The following SORCS2 variants were observed in gnomAD, a reference collection of about 807,000 sequenced individuals.
SORCS2 encodes sortilin related VPS10 domain containing receptor 2.
Under a neutral mutation model 141.6 loss-of-function variants are expected in SORCS2, and 100 were observed. The observed-to-expected ratio is 0.71, with a 90% confidence interval of 0.60 to 0.83. The LOEUF is 0.83. SORCS2 is among the 40% of genes least tolerant of loss of function. SORCS2 has a pLI of 0.00. For missense variants in SORCS2, 1,646 were observed against 1,560.2 expected (o/e 1.05, Z -0.93); for synonymous variants, 789 against 676.9 (o/e 1.17, Z -2.57).
At chr4:7,553,730 C>T (rs77585858) in intron 3 of SORCS2, among the ~76,000 whole-genome samples, 4,322 of 152,278 alleles carry the variant, frequency 0.028, 82 homozygotes, top group Middle Eastern at 0.051. Context: ...GCACACATAT[C>T]AAAAACATGT....
In SORCS2 at chr4:7,664,203, C is replaced by A; in HGVS notation, c.953-150C>A. ...AGTGAGCGAGGATGACACCCTCAGC[C>A]GCAGGTGTCATCACGGTGGCCTTTA... On this transcript the variant is annotated intron_variant, in intron 6 of 26. Coordinates refer to ENST00000507866, the MANE Select transcript of SORCS2 (RefSeq NM_020777.3). This position sits in a 1 kb window ranked among gnomAD's most constrained non-coding sequence, Gnocchi z 4.7. 1 of 607,970 alleles carries A rather than the reference C, an allele frequency of 1.6e-6. No individual in the cohort carries two copies. The highest frequency in any genetic ancestry group is 2.9e-6 in the Non-Finnish European group (1 of 348,480). 37.7% of individuals were successfully genotyped at this position (607,970 alleles called of 1,614,324 possible).
chr4:7,353,492 T>C (rs1025766067), intron 1 of SORCS2, among the ~76,000 whole-genome samples: 1 of 152,174 alleles, frequency 6.6e-6, no homozygotes, highest in Non-Finnish European at 1.5e-5. Context: ...GTGGTGGGGC[T>C]CTGTGATGAC....
chr4:7,334,619 A>G (rs1719874688), intron 1 of SORCS2, among the ~76,000 whole-genome samples: 1 of 152,192 alleles, frequency 6.6e-6, no homozygotes, highest in Non-Finnish European at 1.5e-5. Flanking sequence ...TCCTGCAGCA[A>G]CAGGGATTCA....
At chr4:7,602,237 G>A (rs1717747212) in intron 3 of SORCS2, among the ~76,000 whole-genome samples, 2 of 148,928 alleles carry the variant, frequency 1.3e-5, no homozygotes, top group Non-Finnish European at 1.5e-5. Context: ...CCTCCCAGAC[G>A]GGGTGGCCAG....
chr4:7,546,257 G>T (rs1051235040), intron 3 of SORCS2, among the ~76,000 whole-genome samples: 1 of 152,138 alleles, frequency 6.6e-6, no homozygotes, highest in Non-Finnish European at 1.5e-5. Context: ...GACCAAGCCT[G>T]GGTCACCCAG....
At chr4:7,260,645 C>T (rs1036129317) in intron 1 of SORCS2, among the ~76,000 whole-genome samples, 1 of 152,144 alleles carries the variant, frequency 6.6e-6, no homozygotes, top group South Asian at 2.1e-4. Context: ...AAGCTCTCTG[C>T]CTCTTAAGAG....
At chr4:7,714,511 T>C in intron 16 of SORCS2, 138 bp downstream of exon 16, 1 of 932,102 alleles carries the variant, frequency 1.1e-6, no homozygotes, top group Non-Finnish European at 1.6e-6. Flanking sequence ...CACTGCCACT[T>C]CTGCCTCATT....
chr4:7,588,982 G>A (rs887015504), intron 3 of SORCS2, among the ~76,000 whole-genome samples: 1 of 152,204 alleles, frequency 6.6e-6, no homozygotes, highest in African/African-American at 2.4e-5. Context: ...AATGGATATG[G>A]GCTGCGGGCC....
intron 2 of SORCS2, among the ~76,000 whole-genome samples, chr4:7,421,647 C>A (rs567759285): frequency 3.8e-4 from 58 of 152,318 alleles, no homozygotes; most frequent in African/African-American, 1.3e-3. Flanking sequence ...TAAGCCACAG[C>A]CTGGCCTCCC....
intron 2 of SORCS2, among the ~76,000 whole-genome samples, chr4:7,423,458 C>A (rs559544629): frequency 2.0e-5 from 3 of 152,174 alleles, no homozygotes; most frequent in South Asian, 2.1e-4. Context: ...ACTCTGTCAC[C>A]CAGGCTGGAG....
At chr4:7,528,326 G>A (rs1456018952) in intron 2 of SORCS2, among the ~76,000 whole-genome samples, 3 of 152,212 alleles carry the variant, frequency 2.0e-5, no homozygotes, top group Non-Finnish European at 4.4e-5. Flanking sequence ...TTGGACTTGG[G>A]AGTCGTGGAT....
rs951566369 is a variant in SORCS2, at chr4:7,740,528, C to T, written c.*264C>T. On this transcript the variant is annotated 3_prime_UTR_variant, in exon 27 of 27. Coordinates refer to ENST00000507866, the MANE Select transcript of SORCS2 (RefSeq NM_020777.3). ...CTCAGGCAGGTTCTGCCCCCCAGAC[C>T]CCACACACGGCCGCCCCACGTGCTG... 1.9e-6 allele frequency: 1 copy of T among 531,318 alleles called. No individual in the cohort carries two copies. Among genetic ancestry groups the T allele is most frequent in the Non-Finnish European group, 3.4e-6 (1 of 292,522 alleles). 32.9% of individuals were successfully genotyped at this position (531,318 alleles called of 1,614,324 possible).
At chr4:7,659,637 G>A (rs1722025173) in intron 5 of SORCS2, among the ~76,000 whole-genome samples, 1 of 152,238 alleles carries the variant, frequency 6.6e-6, no homozygotes, top group African/African-American at 2.4e-5. Context: ...CAGAATTGGT[G>A]CCAGAGTACT....
Position 7,193,625 on chromosome 4 carries a change from G to C in SORCS2, c.480+499G>C, listed in dbSNP as rs567141487. Among the ~76,000 whole-genome samples the C allele has an allele frequency of 1.3e-5, 2 of 152,322 alleles. No individual in the cohort carries two copies. Among genetic ancestry groups the C allele is most frequent in the African/African-American group, 4.8e-5 (2 of 41,588 alleles). ...GACTTCCCCGGTCAGCTCGAATCCT[G>C]TTCTGGGACTCTGGGATTTCTGGGT... On this transcript the variant is annotated intron_variant, in intron 1 of 26. Coordinates refer to ENST00000507866, the MANE Select transcript of SORCS2 (RefSeq NM_020777.3). This position sits in a 1 kb window ranked among gnomAD's most constrained non-coding sequence, Gnocchi z 4.8.
At chr4:7,626,128 C>G (rs975728559) in intron 3 of SORCS2, among the ~76,000 whole-genome samples, 11 of 151,982 alleles carry the variant, frequency 7.2e-5, no homozygotes, top group Non-Finnish European at 1.5e-4. Context: ...GCCTGGGTGA[C>G]AGGGCAAGAC....
chr4:7,441,481 AG>A (rs1727661950), intron 2 of SORCS2, among the ~76,000 whole-genome samples: 1 of 151,876 alleles, frequency 6.6e-6, no homozygotes, highest in Admixed American at 6.6e-5. Flanking sequence ...GTGGGTGCCG[AG>A]GGCTGGGCAG....
intron 3 of SORCS2, among the ~76,000 whole-genome samples, chr4:7,572,128 C>T (rs1207917712): frequency 2.6e-5 from 4 of 152,196 alleles, no homozygotes; most frequent in Admixed American, 6.5e-5. Context: ...GGTCTTGAAG[C>T]TCCTCAGTTC....
rs372041106 is a variant in SORCS2, at chr4:7,676,192, G to A, written c.1304G>A (p.Arg435Gln). The A allele has an allele frequency of 2.3e-5, 36 of 1,552,586 alleles. No individual in the cohort carries two copies. Among genetic ancestry groups the A allele is most frequent in the South Asian group, 4.8e-5 (4 of 84,128 alleles). ...GTGCTGCAGGACGTGCGCAGCTCAC[G>A]GCAGGCGGAGGAGAGCGTGCTCATC... ...ALVLQDVRSSRQAEESVLIDI... is the reference protein window; with the variant it reads ...ALVLQDVRSSQQAEESVLIDI... Residue 435 changes from arginine (R) to glutamine (Q), a missense_variant, in exon 9 of 27, where the codon CGG (arginine) becomes CAG (glutamine). Physicochemically the swap from Arg to Gln is conservative, Grantham distance 43 (BLOSUM62 1). Transcript: ENST00000507866.
At chr4:7,600,666 C>T (rs978694267) in intron 3 of SORCS2, among the ~76,000 whole-genome samples, 33 of 144,312 alleles carry the variant, frequency 2.3e-4, no homozygotes, top group African/African-American at 8.3e-4. Context: ...TACACACACA[C>T]ACACACACAC....
Sources: gnomAD v4.1 joint callset for allele counts (sites outside exome capture counted in the v4.1 genomes callset) on GRCh38, gnomAD v4.1.1 for gene constraint, Gnocchi (gnomAD v3.1) non-coding constraint, MANE v1.5 for transcripts, NCBI Gene and HGNC (gene_info 2026-07-23, HGNC 2026-07-21) for gene names.